Variants in INTS7 observed in about 807,000 individuals in gnomAD.
INTS7 encodes chromosome 1 open reading frame 73.
A neutral mutation model predicts 109.2 loss-of-function variants in INTS7; 46 were observed. The ratio of observed to expected loss-of-function variants is 0.42; its 90% CI spans 0.33 to 0.54. The LOEUF (loss-of-function observed/expected upper bound fraction) is 0.54, where lower values mean the gene tolerates loss of function less well. Among genes scored for constraint, INTS7 ranks in the 20% least tolerant of loss-of-function variants. INTS7 has a pLI of 0.07. For synonymous variants in INTS7, 412 were observed against 402.9 expected (o/e 1.02, Z -0.27); for missense variants, 929 against 1,132.4 (o/e 0.82, Z 2.58).
At chr1:212,000,179 T>A (rs186162615) in intron 7 of INTS7, among the ~76,000 whole-genome samples, 178 of 152,090 alleles carry the variant, frequency 1.2e-3, no homozygotes, top group Non-Finnish European at 2.0e-3. Flanking sequence ...ATAAAAAAAA[T>A]TTTTAAATCA....
intron 19 of INTS7, among the ~76,000 whole-genome samples, chr1:211,944,480 G>T (rs1173745025): frequency 6.6e-6 from 1 of 152,160 alleles, no homozygotes; most frequent in African/African-American, 2.4e-5. Flanking sequence ...ATCCAATTCA[G>T]GGGTCTACGG....
chr1:212,020,069 C>T (rs965200479), intron 3 of INTS7, 53 bp downstream of exon 3: 1 of 1,250,140 alleles, frequency 8.0e-7, no homozygotes, highest in Non-Finnish European at 1.1e-6. Context: ...CTTTTTTGTA[C>T]ATAATTACAG....
chr1:212,001,065 T>C (rs1445340405), intron 7 of INTS7, among the ~76,000 whole-genome samples: 1 of 15,576 alleles, frequency 6.4e-5, no homozygotes. Context: ...GCAGAATTCC[T>C]TTTTTTTTTT....
In INTS7 at chr1:212,009,843, T is replaced by C. The variant is rs1011828028; in HGVS notation, c.556+1532A>G. ...CTTTTCTGCAGGAAAGCCCTTTTGCTAATGGTGGAAGAAAAAACACAAAGG... is the reference window on the plus strand; with the variant it reads ...CTTTTCTGCAGGAAAGCCCTTTTGCCAATGGTGGAAGAAAAAACACAAAGG... On this transcript the variant is annotated intron_variant, in intron 5 of 19. Transcript: ENST00000366994. Among the ~76,000 whole-genome samples the C allele has an allele frequency of 2.0e-5, 3 of 152,200 alleles. No individual in the cohort carries two copies. The East Asian group carries it at 5.8e-4, about 29-fold the overall frequency.
chr1:211,953,239 TAGGCACGTTCAGA>T (rs1663189842), intron 16 of INTS7, among the ~76,000 whole-genome samples: 1 of 152,184 alleles, frequency 6.6e-6, no homozygotes, highest in African/African-American at 2.4e-5. Context: ...ATGAAACGCA[TAGGCACGTTCAGA>T]AGACAGTCTG....
At chr1:211,979,927 T>C (rs2102425660) in intron 10 of INTS7, among the ~76,000 whole-genome samples, 1 of 152,338 alleles carries the variant, frequency 6.6e-6, no homozygotes, top group African/African-American at 2.4e-5. Context: ...AGAGAATGTA[T>C]TGTGTTCCGC....
intron 9 of INTS7, among the ~76,000 whole-genome samples, chr1:211,982,175 C>G (rs1019983851): frequency 1.3e-5 from 2 of 152,160 alleles, no homozygotes; most frequent in Non-Finnish European, 2.9e-5. Context: ...CATTATTTTC[C>G]TTGCATGTCC....
chr1:211,987,991 A>AGTGTGCC lies in INTS7; in HGVS notation c.891_892insGGCACAC (p.Cys298GlyfsTer10). 6.3e-7 allele frequency: 1 copy of AGTGTGCC among 1,582,878 alleles called. No homozygotes were observed. The highest frequency in any genetic ancestry group is 1.3e-5 in the African/African-American group (1 of 74,176). ...CTGTCATAAGGAGTCTGGAGGGCAC[A>AGTGTGCC]CTCACAAAGTGCCTGGAATGCAGAA... On this transcript the variant is annotated frameshift_variant, in exon 8 of 20. Coordinates refer to ENST00000366994, the MANE Select transcript of INTS7 (RefSeq NM_015434.4). LOFTEE classifies it high-confidence loss of function.
chr1:211,980,083 G>T (rs894409324), intron 10 of INTS7, among the ~76,000 whole-genome samples: 2 of 152,154 alleles, frequency 1.3e-5, no homozygotes, highest in Non-Finnish European at 2.9e-5. Flanking sequence ...TTGGAAAAAA[G>T]ATTTGCTTTT....
chr1:212,025,020 A>C (rs1000125309), intron 1 of INTS7, among the ~76,000 whole-genome samples: 1 of 152,166 alleles, frequency 6.6e-6, no homozygotes, highest in African/African-American at 2.4e-5. Flanking sequence ...ACTAGTATTC[A>C]CTCACATGTG....
intron 7 of INTS7, among the ~76,000 whole-genome samples, chr1:212,001,513 T>C (rs1665670550): frequency 6.6e-6 from 1 of 152,138 alleles, no homozygotes. Context: ...TAAGATTACA[T>C]TGTATTAGGT....
chr1:211,941,665 T>C lies in INTS7; in HGVS notation c.*159A>G, dbSNP rs1303333808. ...AACCACGCCCAGCTGTCAGACAAAA[T>C]TTTTAAGAAAACAAAATTTTTTCCA... On this transcript the variant is annotated 3_prime_UTR_variant, in exon 20 of 20. Coordinates refer to ENST00000366994, the MANE Select transcript of INTS7 (RefSeq NM_015434.4). 5 of 1,155,678 alleles carry C rather than the reference T, an allele frequency of 4.3e-6. No individual in the cohort carries two copies. The highest frequency in any genetic ancestry group is 4.8e-6 in the Non-Finnish European group (4 of 841,834). 71.6% of individuals were successfully genotyped at this position (1,155,678 alleles called of 1,614,324 possible).
chr1:212,034,370 A>G (rs1299355346), intron 1 of INTS7, among the ~76,000 whole-genome samples: 5 of 152,216 alleles, frequency 3.3e-5, no homozygotes, highest in Non-Finnish European at 7.3e-5. Context: ...AAGAGTCCCA[A>G]AAAAGTTAAT....
intron 1 of INTS7, 118 bp from the exon 2 acceptor site, chr1:212,021,330 G>A: frequency 1.2e-6 from 1 of 857,598 alleles, no homozygotes; most frequent in Non-Finnish European, 1.7e-6. Flanking sequence ...TAAGAAGCAG[G>A]TAAAGTATAA....
chr1:211,988,884 G>C (rs924824180), intron 7 of INTS7, among the ~76,000 whole-genome samples: 6 of 152,160 alleles, frequency 3.9e-5, no homozygotes, highest in African/African-American at 1.4e-4. Flanking sequence ...GTAGTTTGAA[G>C]TATTACCAAA....
Position 211,982,799 on chromosome 1 carries a change from A to T in INTS7, c.1009T>A (p.Ser337Thr), listed in dbSNP as rs768138741. 1.2e-6 allele frequency: 2 copies of T among 1,605,418 alleles called. No individual in the cohort carries two copies. The highest frequency in any genetic ancestry group is 1.7e-6 in the Non-Finnish European group (2 of 1,175,904). Residue 337 changes from serine (S) to threonine (T), a missense_variant, in exon 9 of 20, where the codon TCT becomes ACT. Physicochemically the swap from Ser to Thr is moderately conservative, Grantham distance 58. This residue lies in a region of INTS7 where 787 missense variants were observed against 901.1 expected (regional missense o/e 0.87). Coordinates refer to ENST00000366994, the MANE Select transcript of INTS7 (RefSeq NM_015434.4). ...ACTAAATCAGAAGATCTGGGAGAAG[A>T]ACTCACATTTCCTAAAAAAGCAGAG... ...YFSIVPGNVSSSPRSSDLVKL... is the reference protein window; with the variant it reads ...YFSIVPGNVSTSPRSSDLVKL...
intron 7 of INTS7, among the ~76,000 whole-genome samples, chr1:211,989,380 T>A (rs1030028162): frequency 7.4e-6 from 1 of 135,292 alleles, no homozygotes; most frequent in Non-Finnish European, 1.5e-5. Flanking sequence ...TATATCCCTG[T>A]TTTTTTTTTT....
intron 8 of INTS7, among the ~76,000 whole-genome samples, chr1:211,984,052 A>C (rs906262748): frequency 6.6e-6 from 1 of 151,786 alleles, no homozygotes; most frequent in Non-Finnish European, 1.5e-5. Flanking sequence ...TTTTTTGTAG[A>C]GATGGGTCTT....
Position 211,967,905 on chromosome 1 carries a change from T to C in INTS7, c.2087A>G (p.Asp696Gly). ...GDLYQASFDA[D>G]SATLRNVELQ... The stretch of plus-strand genomic sequence containing the variant: ...TTCAACATTCCTCAAAGTTGCTGAG[T>C]CAGCATCAAAAGATGCCTGGTAAAG... Residue 696 changes from aspartate to glycine, a missense_variant, in exon 15 of 20, where the codon GAC becomes GGC. This residue lies in a region of INTS7 where 787 missense variants were observed against 901.1 expected (regional missense o/e 0.87). Coordinates refer to ENST00000366994, the MANE Select transcript of INTS7 (RefSeq NM_015434.4). 2 of 1,606,990 alleles carry C rather than the reference T, an allele frequency of 1.2e-6. No homozygotes were observed. Among genetic ancestry groups the C allele is most frequent in the East Asian group, 2.2e-5 (1 of 44,716 alleles).
Sources: allele counts gnomAD v4.1 joint callset (sites outside exome capture counted in the v4.1 genomes callset), GRCh38; gene constraint gnomAD v4.1.1; regional missense constraint gnomAD v4.1.1; transcripts MANE v1.5; gene names NCBI Gene and HGNC (gene_info 2026-07-23, HGNC 2026-07-21).